Variants in PRKCA observed in about 807,000 individuals in gnomAD.
PRKCA encodes protein kinase C alpha type.
Under a neutral mutation model 87.0 loss-of-function variants are expected in PRKCA, and 27 were observed. The ratio of observed to expected loss-of-function variants is 0.31; its 90% CI spans 0.23 to 0.43. The LOEUF is 0.43. PRKCA is among the 20% of genes least tolerant of loss of function. The pLI, the probability that PRKCA is intolerant of heterozygous loss-of-function variation, is 1.00. For missense variants in PRKCA, 518 were observed against 852.3 expected, an observed-to-expected ratio of 0.61 and a Z score of 4.88; for synonymous variants, 329 against 311.1, an observed-to-expected ratio of 1.06 and a Z score of -0.61.
rs1267393584 is a variant in PRKCA, at chr17:66,735,370, GTT to G, written c.1057-118_1057-117del. 1.2e-5 allele frequency: 12 copies of G among 1,017,308 alleles called. No individual in the cohort carries two copies. In the Admixed American group the frequency reaches 2.2e-4, roughly 19 times the overall value. The allele number at this position is 1,017,308 out of a possible 1,614,324, so 63.0% of individuals were successfully genotyped here. On this transcript the variant is annotated intron_variant, in intron 9 of 16. Transcript: ENST00000413366. ...TGCACATAAAGTTTAATATTTTTAT[GTT>G]CCACATTGACAAAGGTGCACAAACT...
At chr17:66,719,043 T>C (rs1363822597) in intron 8 of PRKCA, among the ~76,000 whole-genome samples, 2 of 152,212 alleles carry the variant, frequency 1.3e-5, no homozygotes, top group Non-Finnish European at 2.9e-5. Context: ...CAAGGGTACT[T>C]GTTTGTGACC....
chr17:66,485,603 T>A (rs1254352072), intron 2 of PRKCA, among the ~76,000 whole-genome samples: 1 of 152,142 alleles, frequency 6.6e-6, no homozygotes, highest in Non-Finnish European at 1.5e-5. Context: ...AAGATTGGGG[T>A]TGCTGTGAAG....
intron 3 of PRKCA, among the ~76,000 whole-genome samples, chr17:66,537,125 G>C (rs754421382): frequency 9.2e-5 from 14 of 152,094 alleles, no homozygotes; most frequent in African/African-American, 3.4e-4. Context: ...TTTAGCATGC[G>C]TCCAGGAATT....
intron 2 of PRKCA, among the ~76,000 whole-genome samples, chr17:66,471,029 T>C (rs966923472): frequency 6.6e-6 from 1 of 152,056 alleles, no homozygotes; most frequent in Admixed American, 6.5e-5. Flanking sequence ...GTTTTTTTTT[T>C]AATTGTACTT....
intron 3 of PRKCA, among the ~76,000 whole-genome samples, chr17:66,573,329 C>G (rs553455247): frequency 6.6e-6 from 1 of 152,156 alleles, no homozygotes; most frequent in Admixed American, 6.5e-5. Context: ...TCTAGCTTGC[C>G]TAGCACGCTA....
chr17:66,408,771 C>T (rs934106364), intron 2 of PRKCA, among the ~76,000 whole-genome samples: 6 of 151,814 alleles, frequency 4.0e-5, no homozygotes, highest in Admixed American at 2.6e-4. Context: ...TGGTGGTTGT[C>T]GGCCGGGCGC....
intron 2 of PRKCA, among the ~76,000 whole-genome samples, chr17:66,393,832 C>T (rs751371419): frequency 5.3e-5 from 8 of 151,998 alleles, no homozygotes; most frequent in Non-Finnish European, 7.4e-5. Flanking sequence ...CCAGCACTTT[C>T]GGAAGCCAAC....
intron 14 of PRKCA, among the ~76,000 whole-genome samples, chr17:66,780,388 T>G (rs71361448): frequency 0.18 from 27,462 of 151,944 alleles, 2,607 homozygotes; most frequent in East Asian, 0.29. Flanking sequence ...TTGAAAATAA[T>G]ATAAGAGGCT....
chr17:66,653,851 C>T (rs1003534302), intron 5 of PRKCA, among the ~76,000 whole-genome samples: 5 of 147,910 alleles, frequency 3.4e-5, no homozygotes, highest in Non-Finnish European at 7.4e-5. Context: ...TGAGAAACTA[C>T]TTCCTTTAGT....
chr17:66,453,489 TTG>T (rs1343702831), intron 2 of PRKCA, among the ~76,000 whole-genome samples: 1 of 151,978 alleles, frequency 6.6e-6, no homozygotes, highest in Non-Finnish European at 1.5e-5. Flanking sequence ...AGCTAATTTT[TTG>T]TGTTTTCAGT....
intron 3 of PRKCA, among the ~76,000 whole-genome samples, chr17:66,508,922 C>T (rs1324880284): frequency 6.6e-6 from 1 of 152,162 alleles, no homozygotes; most frequent in East Asian, 1.9e-4. Context: ...GAGTCACTCA[C>T]AGCGGCCTCA....
intron 16 of PRKCA, among the ~76,000 whole-genome samples, chr17:66,797,897 G>A (rs1054021873): frequency 1.3e-5 from 2 of 152,250 alleles, no homozygotes; most frequent in Non-Finnish European, 2.9e-5. Flanking sequence ...ACCTTTGGAG[G>A]TGGAGACAGT....
At chr17:66,356,579 G>A (rs564985170) in intron 2 of PRKCA, among the ~76,000 whole-genome samples, 93 of 152,188 alleles carry the variant, frequency 6.1e-4, no homozygotes, top group Non-Finnish European at 1.0e-3. Flanking sequence ...AGCTGAGATC[G>A]TGCCACTGCA....
At chr17:66,676,839 T>C (rs1461703291) in intron 5 of PRKCA, 1 of 152,212 alleles carries the variant, frequency 6.6e-6, no homozygotes, top group Admixed American at 6.5e-5. Flanking sequence ...TCATAGTTCC[T>C]GTCAGGAGAC....
At chr17:66,383,826 G>A (rs1192783237) in intron 2 of PRKCA, among the ~76,000 whole-genome samples, 1 of 151,912 alleles carries the variant, frequency 6.6e-6, no homozygotes, top group Non-Finnish European at 1.5e-5. Context: ...GGTGATGTAC[G>A]CCTGTAATCC....
At position 66,758,717 on chromosome 17, in the gene PRKCA, G is replaced by A. The variant is rs553834388; in HGVS notation, c.1525-15270G>A. 7.9e-5 allele frequency among the ~76,000 whole-genome samples: 12 copies of A among 152,204 alleles called. No individual in the cohort carries two copies. In the South Asian group the frequency reaches 1.5e-3, roughly 18 times the overall value. On this transcript the variant is annotated intron_variant, in intron 13 of 16. Transcript: ENST00000413366. Reference sequence around the variant, plus strand: ...AGGAGAGCACCCCTCCACCCCATTCGCTCGCAGTAGCCTCTCATCTTTGTG... The same window carrying A: ...AGGAGAGCACCCCTCCACCCCATTCACTCGCAGTAGCCTCTCATCTTTGTG...
chr17:66,316,194 T>G (rs1373295451), intron 2 of PRKCA, among the ~76,000 whole-genome samples: 1 of 152,190 alleles, frequency 6.6e-6, no homozygotes, highest in Non-Finnish European at 1.5e-5. Context: ...ATTTGGGATG[T>G]TGCCCCCACT....
chr17:66,545,800 G>C (rs946786028), intron 3 of PRKCA, among the ~76,000 whole-genome samples: 10 of 152,186 alleles, frequency 6.6e-5, no homozygotes, highest in Non-Finnish European at 1.2e-4. Flanking sequence ...CAAGTGTTTA[G>C]TGAATGTTGG....
At chr17:66,478,493 A>G (rs1268359034) in intron 2 of PRKCA, among the ~76,000 whole-genome samples, 1 of 152,068 alleles carries the variant, frequency 6.6e-6, no homozygotes, top group African/African-American at 2.4e-5. Context: ...ACCTCAGGTG[A>G]TCCACCCACC....
Sources: gnomAD v4.1 joint callset for allele counts (sites outside exome capture counted in the v4.1 genomes callset) on GRCh38, gnomAD v4.1.1 for gene constraint, MANE v1.5 for transcripts, NCBI Gene and HGNC (gene_info 2026-07-23, HGNC 2026-07-21) for gene names.